The following ATP2B3 variants were observed in gnomAD, a reference collection of about 807,000 sequenced individuals.
ATP2B3 encodes the protein plasma membrane calcium-transporting ATPase 3.
Under a neutral mutation model 70.8 loss-of-function variants are expected in ATP2B3, and 12 were observed. The observed-to-expected ratio is 0.17, with a 90% CI of 0.11 to 0.27. ATP2B3 has a LOEUF of 0.27. Among genes scored for constraint, ATP2B3 ranks in the 10% least tolerant of loss-of-function variants. The probability of loss-of-function intolerance (pLI) is 1.00; values close to 1 mark genes in which losing one functional copy is unlikely to be tolerated. For missense variants in ATP2B3, 858 were observed against 1,118.5 expected, an observed-to-expected ratio of 0.77 and a Z score of 3.32; for synonymous variants, 460 against 497.8, an observed-to-expected ratio of 0.92 and a Z score of 1.01.
Position 153,549,298 on chromosome X carries a change from C to T in ATP2B3, c.1339-199C>T, listed in dbSNP as rs1164842750. ...CAGGGGAGGTCCCGGGTGCGCATCC[C>T]GCCCCCACCATTGGATGAGGTTGCT... On this transcript the variant is annotated intron_variant, in intron 10 of 21. Coordinates refer to ENST00000263519, the MANE Select transcript of ATP2B3 (RefSeq NM_001001344.3). 4.5e-5 allele frequency among the ~76,000 whole-genome samples: 5 copies of T among 110,187 alleles called. No individual in the cohort carries two copies. In the South Asian group the frequency reaches 1.2e-3, roughly 26 times the overall value.
intron 3 of ATP2B3, among the ~76,000 whole-genome samples, chrX:153,539,459 A>G (rs1414730598): frequency 8.9e-6 from 1 of 112,436 alleles, no homozygotes; most frequent in African/African-American, 3.2e-5. Context: ...CACTGCGGCC[A>G]GGGCTACCCC....
chrX:153,556,320 C>T lies in ATP2B3; in HGVS notation c.2239-11C>T. 1 of 1,207,966 alleles carries T rather than the reference C, an allele frequency of 8.3e-7. No homozygotes were observed. Among genetic ancestry groups the T allele is most frequent in the Non-Finnish European group, 1.1e-6 (1 of 893,677 alleles). On this transcript the variant is annotated splice_polypyrimidine_tract_variant and intron_variant, in intron 14 of 21. Transcript: ENST00000263519. ...TTAGCTCTGCAGCGTCCTTGTGCTTCCCCTCCCCAGATAGAACAGGAGCGG... is the reference window on the plus strand; with the variant it reads ...TTAGCTCTGCAGCGTCCTTGTGCTTTCCCTCCCCAGATAGAACAGGAGCGG...
chrX:153,575,900 C>T (rs890721765), intron 21 of ATP2B3, among the ~76,000 whole-genome samples: 1 of 110,494 alleles, frequency 9.1e-6, no homozygotes, highest in African/African-American at 3.3e-5. Context: ...TGATGGGGAA[C>T]GGAGAAGTGT....
At chrX:153,530,346 G>T (rs1261323930) in intron 2 of ATP2B3, among the ~76,000 whole-genome samples, 1 of 112,139 alleles carries the variant, frequency 8.9e-6, no homozygotes, top group Non-Finnish European at 1.9e-5. Context: ...AGTGGGGAGG[G>T]GTGCCCACCC....
At chrX:153,539,228 C>T (rs1316734950) in intron 3 of ATP2B3, among the ~76,000 whole-genome samples, 2 of 112,626 alleles carry the variant, frequency 1.8e-5, no homozygotes, top group Non-Finnish European at 3.8e-5. Flanking sequence ...TGGTCCCCAG[C>T]CCCCTCCCCA....
At chrX:153,554,345 C>G (rs1557012809) in intron 13 of ATP2B3, among the ~76,000 whole-genome samples, 1 of 113,317 alleles carries the variant, frequency 8.8e-6, no homozygotes, top group African/African-American at 3.2e-5. Flanking sequence ...CAAGGCCACA[C>G]TTGGGGACAG....
intron 1 of ATP2B3, 149 bp downstream of exon 1, chrX:153,518,024 C>A (rs1438331559): frequency 1.8e-5 from 2 of 110,497 alleles, no homozygotes; most frequent in Non-Finnish European, 3.8e-5. Flanking sequence ...CACCTGAGCC[C>A]CGCGCCGGGC....
At chrX:153,562,378 C>T (rs1045227881) in intron 20 of ATP2B3, 136 bp downstream of exon 20, 2 of 513,234 alleles carry the variant, frequency 3.9e-6, no homozygotes, top group Non-Finnish European at 6.3e-6. Flanking sequence ...GCCTGTGACA[C>T]ACCAGGACCC....
rs782230701 is a variant in ATP2B3, at chrX:153,569,853, G to T, written c.3342+4750G>T. Reference sequence around the variant, plus strand: ...TCTCTCTTTTGCAGTCTTGCATTCCGCTCACCGTGGCTTTTCTGTTCTTTC... The same window carrying T: ...TCTCTCTTTTGCAGTCTTGCATTCCTCTCACCGTGGCTTTTCTGTTCTTTC... On this transcript the variant is annotated intron_variant, in intron 21 of 21. Transcript: ENST00000263519. 3.1e-6 allele frequency: 3 copies of T among 973,153 alleles called. No homozygotes were observed. The East Asian group carries it at 9.2e-5, about 30-fold the overall frequency. 80.2% of individuals were successfully genotyped at this position (973,153 alleles called of 1,213,427 possible). A position where few individuals can be genotyped will look rare whatever the true frequency, so the allele number is the denominator to read the frequency against.
intron 3 of ATP2B3, among the ~76,000 whole-genome samples, chrX:153,538,747 G>A (rs2090233321): frequency 8.8e-6 from 1 of 113,223 alleles, no homozygotes; most frequent in South Asian, 3.6e-4. Flanking sequence ...GGAAGCATGT[G>A]CTCAGAGCCA....
chrX:153,550,573 T>C (rs1386313193), intron 12 of ATP2B3, among the ~76,000 whole-genome samples: 3 of 112,130 alleles, frequency 2.7e-5, no homozygotes, highest in African/African-American at 9.7e-5. Context: ...ACATTTCCTA[T>C]CAAGGGACTC....
At chrX:153,560,070 G>A (rs782286068) in intron 18 of ATP2B3, 128 bp downstream of exon 18, 12 of 706,823 alleles carry the variant, frequency 1.7e-5, no homozygotes, top group Non-Finnish European at 2.3e-5. Flanking sequence ...TGCACTTCCT[G>A]ACTGGACAGC....
At chrX:153,521,923 C>T (rs782734014) in intron 2 of ATP2B3, among the ~76,000 whole-genome samples, 2 of 112,199 alleles carry the variant, frequency 1.8e-5, no homozygotes, top group African/African-American at 6.5e-5. Context: ...AGTCCTCACA[C>T]GGACCCTGAA....
At chrX:153,547,040 C>T (rs1162284588) in intron 8 of ATP2B3, among the ~76,000 whole-genome samples, 2 of 111,896 alleles carry the variant, frequency 1.8e-5, no homozygotes, top group African/African-American at 6.5e-5. Flanking sequence ...TGCCAAGAGC[C>T]CCAGTGGATC....
chrX:153,546,315 G>A (rs1444008540), intron 8 of ATP2B3, among the ~76,000 whole-genome samples, 186 bp downstream of exon 8: 2 of 112,170 alleles, frequency 1.8e-5, no homozygotes, highest in African/African-American at 6.5e-5. Context: ...CCCTGGGGCT[G>A]CTCAGGGCAT....
At chrX:153,578,833 G>A (rs1419456941) in intron 21 of ATP2B3, among the ~76,000 whole-genome samples, 5 of 112,652 alleles carry the variant, frequency 4.4e-5, no homozygotes, top group African/African-American at 3.2e-5. Flanking sequence ...AGACGGGAGA[G>A]AGGACAGGCG....
At chrX:153,541,284 TAGG>T (rs1185768563) in intron 3 of ATP2B3, 72 bp from the exon 4 acceptor site, 4 of 1,159,161 alleles carry the variant, frequency 3.5e-6, no homozygotes, top group Non-Finnish European at 4.7e-6. Flanking sequence ...CAGGGCCACA[TAGG>T]AGGCCTGGGA....
intron 10 of ATP2B3, 29 bp from the exon 11 acceptor site, chrX:153,549,468 C>T (rs1557010347): frequency 8.3e-7 from 1 of 1,208,783 alleles, no homozygotes; most frequent in East Asian, 3.0e-5. Flanking sequence ...AGCACCTGGG[C>T]CAAATGCCCA....
chrX:153,555,709 T>A (rs2090524056), intron 13 of ATP2B3, among the ~76,000 whole-genome samples: 1 of 112,466 alleles, frequency 8.9e-6, no homozygotes, highest in Non-Finnish European at 1.9e-5. Context: ...TCTAATGTGA[T>A]GCAGGTGGTC....
Sources: allele counts gnomAD v4.1 joint callset (sites outside exome capture counted in the v4.1 genomes callset), GRCh38; gene constraint gnomAD v4.1.1; transcripts MANE v1.5; gene names NCBI Gene and HGNC (gene_info 2026-07-23, HGNC 2026-07-21).